The following MYO10 variants were observed in gnomAD, a reference collection of about 807,000 sequenced individuals.
MYO10 encodes the protein myosin X, also known as unconventional myosin-X.
MYO10 carries 133 observed loss-of-function variants against 257.3 expected under a neutral mutation model. That is an observed-to-expected ratio of 0.52 (90% CI 0.45 to 0.60). The LOEUF (loss-of-function observed/expected upper bound fraction) is 0.60. MYO10 is among the 20% of genes least tolerant of loss of function. The pLI, the probability that MYO10 is intolerant of heterozygous loss-of-function variation, is 0.00. For synonymous variants in MYO10, 1,104 were observed against 1,028.6 expected, an observed-to-expected ratio of 1.07 and a Z score of -1.40; for missense variants, 2,399 against 2,635.7, an observed-to-expected ratio of 0.91 and a Z score of 1.97.
chr5:16,673,976 CA>C (rs1465699615), intron 35 of MYO10, 87 bp from the exon 36 acceptor site: 28 of 1,198,450 alleles, frequency 2.3e-5, no homozygotes, highest in Non-Finnish European at 3.3e-5. Flanking sequence ...TTCTGTAGAC[CA>C]AAGCAGTGAA....
intron 18 of MYO10, among the ~76,000 whole-genome samples, chr5:16,757,193 G>C (rs975557986): frequency 6.6e-6 from 1 of 150,736 alleles, no homozygotes; most frequent in Non-Finnish European, 1.5e-5. Context: ...AGGAGGCTGA[G>C]GGGGGAGAAT....
rs1274859466 is a variant in MYO10, at chr5:16,663,953, C to A, written c.*2739G>T. 2 of 152,018 alleles carry A rather than the reference C, an allele frequency of 1.3e-5. No individual in the cohort carries two copies. The highest frequency in any genetic ancestry group is 4.8e-5 in the African/African-American group (2 of 41,358). The allele number at this position is 152,018 out of a possible 1,614,324, so 9.4% of individuals were successfully genotyped here. Reference sequence around the variant, plus strand: ...GATACCAAGGGACGACTGCACTTCACTGACCTTGTTGAAAGCAACTGACAT... The same window carrying A: ...GATACCAAGGGACGACTGCACTTCAATGACCTTGTTGAAAGCAACTGACAT... On this transcript the variant is annotated 3_prime_UTR_variant, in exon 41 of 41. Coordinates refer to ENST00000513610, the MANE Select transcript of MYO10 (RefSeq NM_012334.3).
intron 28 of MYO10, among the ~76,000 whole-genome samples, chr5:16,686,178 T>C (rs1737244885): frequency 6.6e-6 from 1 of 152,158 alleles, no homozygotes; most frequent in Non-Finnish European, 1.5e-5. Context: ...CCAAAATACT[T>C]ATATCAAGGA....
chr5:16,760,913 C>A (rs1740690858), intron 17 of MYO10, among the ~76,000 whole-genome samples: 1 of 152,000 alleles, frequency 6.6e-6, no homozygotes, highest in Admixed American at 6.6e-5. Flanking sequence ...TTACTTATAC[C>A]TCTGTGGTTG....
At chr5:16,709,403 G>A (rs1458577387) in intron 21 of MYO10, among the ~76,000 whole-genome samples, 2 of 152,158 alleles carry the variant, frequency 1.3e-5, no homozygotes, top group African/African-American at 4.8e-5. Flanking sequence ...CTGCAGCAAA[G>A]GTGACGGGAT....
chr5:16,695,681 TG>T (rs142313135), intron 26 of MYO10, among the ~76,000 whole-genome samples: 30,761 of 152,096 alleles, frequency 0.2, 3,225 homozygotes, highest in East Asian at 0.26. Flanking sequence ...GATCAACATC[TG>T]ACACACATCT....
intron 32 of MYO10, among the ~76,000 whole-genome samples, chr5:16,681,060 C>A (rs1001579358): frequency 6.6e-6 from 1 of 152,132 alleles, no homozygotes; most frequent in African/African-American, 2.4e-5. Flanking sequence ...CCGTACGATG[C>A]CCTGCATCTG....
At chr5:16,907,395 C>T (rs190434250) in intron 1 of MYO10, among the ~76,000 whole-genome samples, 4 of 152,106 alleles carry the variant, frequency 2.6e-5, no homozygotes, top group Non-Finnish European at 2.9e-5. Context: ...ACTCAGAAGA[C>T]CCAAGGAGAA....
At chr5:16,706,805 C>A (rs1417176737) in intron 21 of MYO10, among the ~76,000 whole-genome samples, 1 of 152,204 alleles carries the variant, frequency 6.6e-6, no homozygotes, top group East Asian at 1.9e-4. Context: ...TCTTCCACAT[C>A]TTTATTTACA....
chr5:16,672,481 A>G (rs1736514307), intron 37 of MYO10, among the ~76,000 whole-genome samples: 1 of 152,170 alleles, frequency 6.6e-6, no homozygotes, highest in Non-Finnish European at 1.5e-5. Context: ...AAAACCACTG[A>G]CAAGTTACAT....
At chr5:16,762,513 A>T (rs1293654781) in intron 15 of MYO10, 32 bp downstream of exon 15, 1 of 1,520,210 alleles carries the variant, frequency 6.6e-7, no homozygotes, top group Non-Finnish European at 9.0e-7. Flanking sequence ...GTGCTACTCC[A>T]ATGTGATGAA....
chr5:16,821,107 T>C (rs1368778847), intron 2 of MYO10, among the ~76,000 whole-genome samples: 1 of 147,522 alleles, frequency 6.8e-6, no homozygotes, highest in Non-Finnish European at 1.5e-5. Flanking sequence ...TAATATATAA[T>C]ATATAAAATG....
chr5:16,923,171 T>TGAG (rs1746035468), intron 1 of MYO10, among the ~76,000 whole-genome samples: 1 of 152,092 alleles, frequency 6.6e-6, no homozygotes, highest in African/African-American at 2.4e-5. Flanking sequence ...GGTCACATCA[T>TGAG]GAGAAGAACA....
rs555420309 is a variant in MYO10 at position 16,816,454 on chromosome 5, G to A, written c.279+1555C>T. ...TTCCCAGCTCCTTTCTCAGTCTAAG[G>A]GTAGATAAATTGGAAGAACCTGAAT... is the stretch of plus-strand genomic sequence containing the variant. On this transcript the variant is annotated intron_variant, in intron 3 of 40. Transcript: ENST00000513610. Among the ~76,000 whole-genome samples the A allele has an allele frequency of 9.9e-5, 15 of 151,480 alleles. No individual in the cohort carries two copies. In the East Asian group the frequency reaches 2.5e-3, roughly 25 times the overall value.
At chr5:16,859,859 T>C (rs1216721377) in intron 2 of MYO10, among the ~76,000 whole-genome samples, 1 of 152,154 alleles carries the variant, frequency 6.6e-6, no homozygotes, top group African/African-American at 2.4e-5. Flanking sequence ...TGAGCATCCC[T>C]GGCCCACCCC....
intron 3 of MYO10, among the ~76,000 whole-genome samples, chr5:16,806,201 T>A (rs1297680890): frequency 6.6e-6 from 1 of 150,834 alleles, no homozygotes; most frequent in Non-Finnish European, 1.5e-5. Flanking sequence ...AAAAAAAAAA[T>A]TAGCTGGGCA....
intron 19 of MYO10, among the ~76,000 whole-genome samples, chr5:16,727,498 CA>C (rs1438724695): frequency 5.9e-5 from 9 of 152,270 alleles, no homozygotes; most frequent in Non-Finnish European, 1.2e-4. Flanking sequence ...AATGCTCATG[CA>C]AATACTGTGA....
chr5:16,704,498 G>C, intron 22 of MYO10, 81 bp downstream of exon 22: 1 of 1,240,300 alleles, frequency 8.1e-7, no homozygotes, highest in Non-Finnish European at 1.1e-6. Context: ...AAAACCTCAG[G>C]CCACTCCACT....
At position 16,764,273 on chromosome 5, in the gene MYO10, T is replaced by G. The variant is rs758167831; in HGVS notation, c.1303A>C (p.Ile435Leu). 5.6e-6 allele frequency: 9 copies of G among 1,614,036 alleles called. No homozygotes were observed. The South Asian group carries it at 6.6e-5, about 12-fold the overall frequency. The change falls in exon 12 of 41, where the codon ATC (isoleucine) becomes CTC (leucine). Residue 435 changes from isoleucine to leucine, a missense_variant. By Grantham distance (5) the Ile-to-Leu change is conservative. Transcript: ENST00000513610. ...ACCTCAAAGTTTTCAAATCCAAAGATGTCGAGGATGCCAATAGACTTGAAG... is the reference window on the plus strand; with the variant it reads ...ACCTCAAAGTTTTCAAATCCAAAGAGGTCGAGGATGCCAATAGACTTGAAG... ...EDFKSIGILDIFGFENFEVNH... is the reference protein window; with the variant it reads ...EDFKSIGILDLFGFENFEVNH...
Sources: gnomAD v4.1 joint callset for allele counts (sites outside exome capture counted in the v4.1 genomes callset) on GRCh38, gnomAD v4.1.1 for gene constraint, MANE v1.5 for transcripts, NCBI Gene and HGNC (gene_info 2026-07-23, HGNC 2026-07-21) for gene names.